Variants in EPC2 observed in about 807,000 individuals in gnomAD.
The protein encoded by EPC2 is enhancer of polycomb 2.
EPC2 carries 14 observed loss-of-function variants against 92.1 expected under a neutral mutation model. That is an observed-to-expected ratio of 0.15 (90% CI 0.10 to 0.24). EPC2 has a LOEUF of 0.24. Ranked by LOEUF, EPC2 falls within the 10% of genes least tolerant of loss-of-function variation. The pLI is 1.00. For synonymous variants in EPC2, 340 were observed against 334.7 expected (o/e 1.02, Z -0.17); for missense variants, 755 against 971.5 (o/e 0.78, Z 2.96).
intron 2 of EPC2, among the ~76,000 whole-genome samples, chr2:148,724,864 T>C (rs1478496520): frequency 6.6e-6 from 1 of 152,090 alleles, no homozygotes; most frequent in African/African-American, 2.4e-5. Context: ...GCTAGAATTA[T>C]GATGTCAGAT....
chr2:148,759,811 T>G (rs1683266278), intron 4 of EPC2, among the ~76,000 whole-genome samples: 1 of 152,188 alleles, frequency 6.6e-6, no homozygotes, highest in Non-Finnish European at 1.5e-5. Flanking sequence ...TGAGAATTCT[T>G]TATACTGTTT....
rs1354393271 is a variant in EPC2 at position 148,753,995 on chromosome 2, C to T, written c.528C>T (p.Asp176=). 1 of 1,612,162 alleles carries T rather than the reference C, an allele frequency of 6.2e-7. No homozygotes were observed. Among genetic ancestry groups the T allele is most frequent in the African/African-American group, 1.3e-5 (1 of 75,030 alleles). ...EDDYLIKAVY[D]YWVRKRKNCR... ...ATTACCTTATTAAAGCTGTATATGA[C>T]TACTGGGTGAGAAAACGTAAAAACT... Residue 176 remains aspartate, a synonymous_variant, in exon 4 of 14, where the codon GAC becomes GAT. Transcript: ENST00000258484.
intron 4 of EPC2, among the ~76,000 whole-genome samples, chr2:148,754,860 G>A (rs140127229): frequency 1.2e-3 from 190 of 152,302 alleles, no homozygotes; most frequent in African/African-American, 4.2e-3. Flanking sequence ...ATAGAGGAAA[G>A]CACTGTTCTG....
At chr2:148,715,075 C>T (rs1349081087) in intron 2 of EPC2, among the ~76,000 whole-genome samples, 1 of 123,156 alleles carries the variant, frequency 8.1e-6, no homozygotes, top group African/African-American at 3.2e-5. Flanking sequence ...GCTCTGTTGC[C>T]TAGGCTGAAG....
At chr2:148,646,170 T>C (rs1230268669) in intron 1 of EPC2, among the ~76,000 whole-genome samples, 1 of 152,198 alleles carries the variant, frequency 6.6e-6, no homozygotes, top group Non-Finnish European at 1.5e-5. Context: ...CGCCTTATTG[T>C]CAACCTCGGG....
At chr2:148,763,510 C>G (rs1355568127) in intron 6 of EPC2, among the ~76,000 whole-genome samples, 1 of 152,098 alleles carries the variant, frequency 6.6e-6, no homozygotes, top group Non-Finnish European at 1.5e-5. Flanking sequence ...GACAATAGAG[C>G]TTTACTCTGT....
chr2:148,749,656 G>A (rs1242933751), intron 3 of EPC2, among the ~76,000 whole-genome samples: 2 of 151,874 alleles, frequency 1.3e-5, no homozygotes, highest in Admixed American at 6.6e-5. Context: ...TTTTAATTTA[G>A]TATGTAGCAT....
chr2:148,782,697 C>T (rs1265134936), intron 11 of EPC2, among the ~76,000 whole-genome samples: 1 of 152,128 alleles, frequency 6.6e-6, no homozygotes, highest in Non-Finnish European at 1.5e-5. Context: ...CCTGCCAACA[C>T]CTTGATTTTA....
intron 1 of EPC2, among the ~76,000 whole-genome samples, chr2:148,662,954 A>G (rs1202564358): frequency 6.6e-6 from 1 of 151,884 alleles, no homozygotes; most frequent in East Asian, 1.9e-4. Flanking sequence ...TTAAGCAGCC[A>G]GCTTTGGCTG....
intron 8 of EPC2, among the ~76,000 whole-genome samples, chr2:148,770,255 G>C (rs1014098647): frequency 1.3e-5 from 2 of 152,070 alleles, no homozygotes; most frequent in Non-Finnish European, 2.9e-5. Context: ...GCCCAGGCTG[G>C]TCTTGAACTC....
At chr2:148,663,077 A>G (rs916587648) in intron 1 of EPC2, among the ~76,000 whole-genome samples, 2 of 151,632 alleles carry the variant, frequency 1.3e-5, no homozygotes, top group African/African-American at 4.8e-5. Context: ...GTAGGGTGAG[A>G]TGATTTACCA....
chr2:148,665,894 G>A (rs1361909012), intron 1 of EPC2, among the ~76,000 whole-genome samples: 1 of 152,132 alleles, frequency 6.6e-6, no homozygotes, highest in South Asian at 2.1e-4. Flanking sequence ...GCACTTATCT[G>A]TTTAGGTGAT....
chr2:148,765,977 A>C (rs1002980532), intron 7 of EPC2, among the ~76,000 whole-genome samples: 1 of 152,186 alleles, frequency 6.6e-6, no homozygotes, highest in South Asian at 2.1e-4. Context: ...TGGAGCTTGC[A>C]GTGAGCTGAG....
At chr2:148,728,325 TAATAA>T (rs1176578605) in intron 2 of EPC2, among the ~76,000 whole-genome samples, 1 of 152,094 alleles carries the variant, frequency 6.6e-6, no homozygotes, top group East Asian at 1.9e-4. Flanking sequence ...TTGTTTTGCT[TAATAA>T]TATAGTCTCA....
chr2:148,726,852 T>G (rs1302300600), intron 2 of EPC2, among the ~76,000 whole-genome samples: 1 of 151,656 alleles, frequency 6.6e-6, no homozygotes, highest in East Asian at 1.9e-4. Context: ...CTACATGGTT[T>G]GCAGATATTT....
chr2:148,701,906 T>G (rs1186212470), intron 2 of EPC2, among the ~76,000 whole-genome samples: 1 of 152,162 alleles, frequency 6.6e-6, no homozygotes, highest in Non-Finnish European at 1.5e-5. Context: ...ATTATAGATC[T>G]ATATAGATTT....
Position 148,765,004 on chromosome 2 carries a change from A to T in EPC2, c.998A>T (p.Gln333Leu). Residue 333 changes from glutamine to leucine, a missense_variant, in exon 7 of 14, where the codon CAA (glutamine) becomes CTA (leucine). Coordinates refer to ENST00000258484, the MANE Select transcript of EPC2 (RefSeq NM_015630.4). The stretch of plus-strand genomic sequence containing the variant: ...GAAGAGGCTTCTGATGTGGTTCGTC[A>T]AAAGAAGAAGTACCCAAAGAAGCCT... ...LKEEASDVVR[Q>L]KKKYPKKPKA... The T allele has an allele frequency of 1.9e-6, 3 of 1,604,360 alleles. No individual in the cohort carries two copies. Among genetic ancestry groups the T allele is most frequent in the Non-Finnish European group, 2.6e-6 (3 of 1,175,084 alleles).
At chr2:148,725,286 A>C (rs1191142125) in intron 2 of EPC2, among the ~76,000 whole-genome samples, 1 of 152,072 alleles carries the variant, frequency 6.6e-6, no homozygotes, top group African/African-American at 2.4e-5. Context: ...AATGAATTCT[A>C]TCTACTGTTC....
intron 4 of EPC2, among the ~76,000 whole-genome samples, chr2:148,757,385 T>A (rs1574625685): frequency 6.6e-6 from 1 of 151,814 alleles, no homozygotes; most frequent in African/African-American, 2.4e-5. Context: ...CAAAACAAAA[T>A]ATATATATAT....
Sources: gnomAD v4.1 joint callset for allele counts (sites outside exome capture counted in the v4.1 genomes callset) on GRCh38, gnomAD v4.1.1 for gene constraint, MANE v1.5 for transcripts, NCBI Gene and HGNC (gene_info 2026-07-23, HGNC 2026-07-21) for gene names.